Variants in ELF3 observed in about 807,000 individuals in gnomAD.
ELF3 encodes the protein E74 like ETS transcription factor 3, also known as ETS-related transcription factor Elf-3.
Under a neutral mutation model 43.9 loss-of-function variants are expected in ELF3, and 18 were observed. The ratio of observed to expected loss-of-function variants is 0.41; its 90% CI spans 0.28 to 0.61. ELF3 has a LOEUF of 0.61. Among genes scored for constraint, ELF3 ranks in the 20% least tolerant of loss-of-function variants. The probability of loss-of-function intolerance (pLI) is 0.30; values close to 1 mark genes in which losing one functional copy is unlikely to be tolerated. For missense variants in ELF3, 373 were observed against 487.7 expected, an observed-to-expected ratio of 0.76 and a Z score of 2.21; for synonymous variants, 181 against 190.2, an observed-to-expected ratio of 0.95 and a Z score of 0.40.
Position 202,012,138 on chromosome 1 carries a change from G to A in ELF3, c.345G>A (p.Gly115=), listed in dbSNP as rs1443586506. 1 of 1,613,828 alleles carries A rather than the reference G, an allele frequency of 6.2e-7. No homozygotes were observed. The highest frequency in any genetic ancestry group is 2.2e-5 in the East Asian group (1 of 44,884). Residue 115 remains glycine, a synonymous_variant, in exon 3 of 9, where the codon GGG becomes GGA. Transcript: ENST00000367284. The surrounding 1 kb of genome is among the most constrained non-coding windows in gnomAD (Gnocchi z 4.2). ...CALEELRLVF[G]PLGDQLHAQL... ...TTGAGGAGCTGCGTCTGGTCTTTGG[G>A]CCTCTGGGGGACCAACTCCATGCCC...
intron 8 of ELF3, chr1:202,014,813 G>T: frequency 5.4e-6 from 1 of 184,718 alleles, no homozygotes; most frequent in Admixed American, 5.3e-5. Flanking sequence ...TCACCATGTT[G>T]GCTAGGCTGG....
In ELF3 at chr1:202,012,737, C is replaced by A. The variant is rs1263596926; in HGVS notation, c.576C>A (p.Gly192=). Residue 192 remains glycine, a synonymous_variant, in exon 5 of 9, where the codon GGC becomes GGA. Coordinates refer to ENST00000367284, the MANE Select transcript of ELF3 (RefSeq NM_004433.5). This position sits in a 1 kb window ranked among gnomAD's most constrained non-coding sequence, Gnocchi z 4.2. ...GTGGCGCAGGAGCCCCCTCCCCTGG[C>A]AGCTCTGACGTCTCCACCGCAGGTG... ...GSCGAGAPSP[G]SSDVSTAGTG... 1 of 1,581,962 alleles carries A rather than the reference C, an allele frequency of 6.3e-7. No individual in the cohort carries two copies. Among genetic ancestry groups the A allele is most frequent in the East Asian group, 2.2e-5 (1 of 44,654 alleles).
At chr1:202,011,572 C>T (rs968014710) in intron 2 of ELF3, 8 of 488,286 alleles carry the variant, frequency 1.6e-5, no homozygotes, top group Admixed American at 7.8e-5. Context: ...CAGTGTGCTC[C>T]AGGAATGGGG....
intron 2 of ELF3, 88 bp from the exon 3 acceptor site, chr1:202,011,869 C>T: frequency 7.8e-7 from 1 of 1,275,542 alleles, no homozygotes; most frequent in Non-Finnish European, 1.1e-6. Context: ...AGGAGTGAGA[C>T]TCCATCTCAA....
At chr1:202,011,877 C>CAAAAA in intron 2 of ELF3, 80 bp from the exon 3 acceptor site, 23 of 1,226,514 alleles carry the variant, frequency 1.9e-5, no homozygotes, top group South Asian at 3.0e-5. Context: ...GACTCCATCT[C>CAAAAA]AAAAAAAAAA....
rs751933012 is a variant in ELF3 at position 202,012,985 on chromosome 1, G to A, written c.637G>A (p.Gly213Ser). The A allele has an allele frequency of 2.5e-5, 40 of 1,613,620 alleles. No homozygotes were observed. Among genetic ancestry groups the A allele is most frequent in the South Asian group, 5.5e-5 (5 of 91,012 alleles). ...ASRSSHSSDSGGSDVDLDPTD... is the reference protein window; with the variant it reads ...ASRSSHSSDSSGSDVDLDPTD... ...TCGGAGCTCCCACTCCTCAGACTCC[G>A]GTGGAAGTGACGTGGACCTGGATCC... The change falls in exon 6 of 9, where the codon GGT (glycine) becomes AGT (serine). Residue 213 changes from glycine (G) to serine (S), a missense_variant. By Grantham distance (56) the Gly-to-Ser change is moderately conservative. Around this residue, in one of 3 missense-constraint regions of ELF3, gnomAD observed 311 missense variants for 351.2 expected, o/e 0.89. Transcript: ENST00000367284. The surrounding 1 kb of genome is among the most constrained non-coding windows in gnomAD (Gnocchi z 4.2).
chr1:202,013,829 C>G lies in ELF3; in HGVS notation c.806C>G (p.Ala269Gly). ...DCLEGKKSKH[A>G]PRGTHLWEFI... ...AAACTGATGGAGGCTGGCCTTGCAG[C>G]GCCCAGAGGCACCCACCTGTGGGAG... is the stretch of plus-strand genomic sequence containing the variant. Residue 269 changes from alanine to glycine, a missense_variant and splice_region_variant, in exon 8 of 9, where the codon GCG (alanine) becomes GGG (glycine). Transcript: ENST00000367284. This position sits in a 1 kb window ranked among gnomAD's most constrained non-coding sequence, Gnocchi z 5.7. The G allele has an allele frequency of 1.2e-6, 2 of 1,607,444 alleles. No individual in the cohort carries two copies. The highest frequency in any genetic ancestry group is 1.7e-6 in the Non-Finnish European group (2 of 1,175,246).
intron 8 of ELF3, among the ~76,000 whole-genome samples, chr1:202,014,690 C>T (rs1031756782): frequency 1.3e-5 from 2 of 152,164 alleles, no homozygotes; most frequent in African/African-American, 4.8e-5. Context: ...TCGCTACAAC[C>T]TCTGCCTGCC....
In ELF3 at chr1:202,012,912, G is replaced by C. The variant is rs1684237964; in HGVS notation, c.599-35G>C. 1.3e-6 allele frequency: 2 copies of C among 1,586,202 alleles called. No homozygotes were observed. Among genetic ancestry groups the C allele is most frequent in the Admixed American group, 3.5e-5 (2 of 56,398 alleles). On this transcript the variant is annotated intron_variant, in intron 5 of 8. Coordinates refer to ENST00000367284, the MANE Select transcript of ELF3 (RefSeq NM_004433.5). The surrounding 1 kb of genome is among the most constrained non-coding windows in gnomAD (Gnocchi z 4.2). ...AGCAGCGTGGTTGAGCAGAGGGTGG[G>C]CCGGCAGGGGACTTACTCTGACCCC... is the stretch of plus-strand genomic sequence containing the variant.
intron 2 of ELF3, 139 bp downstream of exon 2, chr1:202,011,438 G>A (rs1305991837): frequency 9.0e-7 from 1 of 1,113,848 alleles, no homozygotes; most frequent in Non-Finnish European, 1.2e-6. Flanking sequence ...TAGTGACTGA[G>A]GTGCTGGGGG....
Position 202,011,975 on chromosome 1 carries a change from G to C in ELF3, c.182G>C (p.Gly61Ala). 1.2e-6 allele frequency: 2 copies of C among 1,614,042 alleles called. No homozygotes were observed. The highest frequency in any genetic ancestry group is 4.5e-5 in the East Asian group (2 of 44,888). ...LEGTEKASWL[G>A]EQPQFWSKTQ... ...CTTGCAGAGAAGGCCAGCTGGTTGG[G>C]GGAACAGCCCCAGTTCTGGTCGAAG... The change falls in exon 3 of 9, where the codon GGG becomes GCG. Residue 61 changes from glycine to alanine, a missense_variant. Gly to Ala is a moderately conservative substitution (Grantham distance 60). This residue lies in a region of ELF3 where 311 missense variants were observed against 351.2 expected (regional missense o/e 0.89). Transcript: ENST00000367284.
chr1:202,011,767 C>T, intron 2 of ELF3, 190 bp from the exon 3 acceptor site: 1 of 613,456 alleles, frequency 1.6e-6, no homozygotes, highest in Non-Finnish European at 2.8e-6. Context: ...ATCCCAGCTA[C>T]TGGGGAGGCT....
At position 202,013,971 on chromosome 1, in the gene ELF3, C is replaced by T. The variant is rs766167510; in HGVS notation, c.948C>T (p.Gly316=). Residue 316 remains glycine, a synonymous_variant, in exon 8 of 9, where the codon GGC becomes GGT. Transcript: ENST00000367284. This position sits in a 1 kb window ranked among gnomAD's most constrained non-coding sequence, Gnocchi z 5.7. ...CCGAGGCTGTGGCCCAACTATGGGG[C>T]CAAAAGAAAAAGAACAGCAACATGA... ...LRSEAVAQLW[G]QKKKNSNMTY... 24 of 1,613,566 alleles carry T rather than the reference C, an allele frequency of 1.5e-5. No homozygotes were observed. The South Asian group carries it at 2.6e-4, about 18-fold the overall frequency.
rs1684235977 is a variant in ELF3, at chr1:202,012,826, C to A, written c.598+67C>A. The A allele has an allele frequency of 6.5e-7, 1 of 1,535,514 alleles. No homozygotes were observed. Among genetic ancestry groups the A allele is most frequent in the African/African-American group, 1.4e-5 (1 of 72,680 alleles). ...GTCCCTTGTTCCCTCTGGCTCCCAG[C>A]ACCATAACTCAGGCCTTCTGGCAGG... is the stretch of plus-strand genomic sequence containing the variant. On this transcript the variant is annotated intron_variant, in intron 5 of 8. Coordinates refer to ENST00000367284, the MANE Select transcript of ELF3 (RefSeq NM_004433.5). The surrounding 1 kb of genome is among the most constrained non-coding windows in gnomAD (Gnocchi z 4.2).
rs1684252846 is a variant in ELF3, at chr1:202,013,445, G to A, written c.805+147G>A. On this transcript the variant is annotated intron_variant, in intron 7 of 8. Coordinates refer to ENST00000367284, the MANE Select transcript of ELF3 (RefSeq NM_004433.5). The surrounding 1 kb of genome is among the most constrained non-coding windows in gnomAD (Gnocchi z 5.7). ...GCTGTGCACAAGCTGGGGGCTCTATGGTATCGGTCACCACCTAATTGCAGA... is the reference window on the plus strand; with the variant it reads ...GCTGTGCACAAGCTGGGGGCTCTATAGTATCGGTCACCACCTAATTGCAGA... 10 of 820,096 alleles carry A rather than the reference G, an allele frequency of 1.2e-5. No individual in the cohort carries two copies. The highest frequency in any genetic ancestry group is 1.9e-5 in the Non-Finnish European group (10 of 514,140). 50.8% of individuals were successfully genotyped at this position (820,096 alleles called of 1,614,324 possible).
rs1263297950 is a variant in ELF3 at position 202,012,301 on chromosome 1, G to A, written c.386-43G>A. ...TGCACAGCCAGAGAGAGCCCTTGAG[G>A]GAGGGATTAGGGGAGTGTGACCCTT... is the stretch of plus-strand genomic sequence containing the variant. On this transcript the variant is annotated intron_variant, in intron 3 of 8. Transcript: ENST00000367284. The surrounding 1 kb of genome is among the most constrained non-coding windows in gnomAD (Gnocchi z 4.2). 1.2e-6 allele frequency: 2 copies of A among 1,611,572 alleles called. No homozygotes were observed. Among genetic ancestry groups the A allele is most frequent in the East Asian group, 2.2e-5 (1 of 44,848 alleles).
At position 202,011,316 on chromosome 1, in the gene ELF3, T is replaced by G. The variant is rs1324932747; in HGVS notation, c.163+17T>G. The G allele has an allele frequency of 1.3e-6, 2 of 1,541,272 alleles. No homozygotes were observed. Among genetic ancestry groups the G allele is most frequent in the Admixed American group, 3.9e-5 (2 of 51,460 alleles). ...AGGGTACAGGTGGGTCTCAGCGGGGTGGGATGGGGCACGGAGTGGGAGACA... is the reference window on the plus strand; with the variant it reads ...AGGGTACAGGTGGGTCTCAGCGGGGGGGGATGGGGCACGGAGTGGGAGACA... On this transcript the variant is annotated intron_variant, in intron 2 of 8. Coordinates refer to ENST00000367284, the MANE Select transcript of ELF3 (RefSeq NM_004433.5).
In ELF3 at chr1:202,015,302, GGTTCTC is replaced by G. The variant is rs750289989; in HGVS notation, c.1096_1101del (p.Val366_Leu367del). 1.2e-6 allele frequency: 2 copies of G among 1,614,124 alleles called. No individual in the cohort carries two copies. Among genetic ancestry groups the G allele is most frequent in the Admixed American group, 3.3e-5 (2 of 60,022 alleles). On this transcript the variant is annotated inframe_deletion, in exon 9 of 9. Coordinates refer to ENST00000367284, the MANE Select transcript of ELF3 (RefSeq NM_004433.5). The stretch of plus-strand genomic sequence containing the variant: ...ACTCAAGCGGCTGGAAGGAGGAAGA[GGTTCTC>G]CAGAGTCGGAACTGAGGGTTGGAAC...
At position 202,013,775 on chromosome 1, in the gene ELF3, C is replaced by A; in HGVS notation, c.806-54C>A. 1 of 1,558,470 alleles carries A rather than the reference C, an allele frequency of 6.4e-7. No individual in the cohort carries two copies. Among genetic ancestry groups the A allele is most frequent in the South Asian group, 1.2e-5 (1 of 83,100 alleles). On this transcript the variant is annotated intron_variant, in intron 7 of 8. Coordinates refer to ENST00000367284, the MANE Select transcript of ELF3 (RefSeq NM_004433.5). This position sits in a 1 kb window ranked among gnomAD's most constrained non-coding sequence, Gnocchi z 5.7. ...CACTGGGGCGGGCAGGGCTGGCTGG[C>A]CTTGGGTGAGAGGGGACACCTGGAT...
Sources: gnomAD v4.1 joint callset for allele counts (sites outside exome capture counted in the v4.1 genomes callset) on GRCh38, gnomAD v4.1.1 for gene constraint, gnomAD v4.1.1 regional missense constraint, Gnocchi (gnomAD v3.1) non-coding constraint, MANE v1.5 for transcripts, NCBI Gene and HGNC (gene_info 2026-07-23, HGNC 2026-07-21) for gene names.